CEP295NL: variants seen among roughly 807,000 people sequenced by gnomAD.
The protein encoded by CEP295NL is CEP295 N-terminal like.
A neutral mutation model predicts 4.6 loss-of-function variants in CEP295NL; 3 were observed. The observed-to-expected ratio is 0.65, with a 90% CI of 0.30 to 1.69. CEP295NL has a LOEUF of 1.69. CEP295NL is among the 40% of genes most tolerant of loss of function. The pLI, the probability that CEP295NL is intolerant of heterozygous loss-of-function variation, is 0.10. For synonymous variants in CEP295NL, 295 were observed against 312.2 expected (o/e 0.94, Z 0.58); for missense variants, 719 against 769.0 (o/e 0.93, Z 0.77).
Position 78,891,189 on chromosome 17 carries a change from C to CCGTG in CEP295NL, c.1311_1314dup (p.Val439HisfsTer7). 6.4e-7 allele frequency: 1 copy of CCGTG among 1,550,690 alleles called. No individual in the cohort carries two copies. The highest frequency in any genetic ancestry group is 8.7e-7 in the Non-Finnish European group (1 of 1,147,032). On this transcript the variant is annotated frameshift_variant, in exon 3 of 3. Transcript: ENST00000322630. LOFTEE classifies it low-confidence loss of function (END_TRUNC). This position sits in a 1 kb window ranked among gnomAD's most constrained non-coding sequence, Gnocchi z 4.5. ...CTTCCATTTCTAAACGTGGGCTTGACCGTGCCCTGATATTTTTGGTTCTGG... is the reference window on the plus strand; with the variant it reads ...CTTCCATTTCTAAACGTGGGCTTGACCGTGCGTGCCCTGATATTTTTGGTTCTGG...
intron 2 of CEP295NL, among the ~76,000 whole-genome samples, chr17:78,895,310 C>T (rs533368282): frequency 1.3e-5 from 2 of 152,200 alleles, no homozygotes; most frequent in Admixed American, 1.3e-4. Context: ...TAAAAATCAG[C>T]AACAGATTTA....
In CEP295NL at chr17:78,891,110, A is replaced by G. The variant is rs2069884980; in HGVS notation, c.1394T>C (p.Leu465Ser). ...CTCTTGTCCAGATTCAGTGCTATAC[A>G]ATAATGAGTCCTCTTTGTTGATAAA... The part of the protein sequence containing the change: ...GIFINKEDSL[L>S]YSTESGQETP... Residue 465 changes from leucine to serine, a missense_variant, in exon 3 of 3, where the codon TTG becomes TCG. Coordinates refer to ENST00000322630, the MANE Select transcript of CEP295NL (RefSeq NM_001243540.2). The surrounding 1 kb of genome is among the most constrained non-coding windows in gnomAD (Gnocchi z 4.5). The G allele has an allele frequency of 1.3e-6, 2 of 1,550,806 alleles. No individual in the cohort carries two copies. Among genetic ancestry groups the G allele is most frequent in the Non-Finnish European group, 1.7e-6 (2 of 1,147,030 alleles).
chr17:78,896,237 T>G lies in CEP295NL; in HGVS notation c.45-3778A>C, dbSNP rs892303576. Among the ~76,000 whole-genome samples, 1 of 152,198 alleles carries G rather than the reference T, an allele frequency of 6.6e-6. No homozygotes were observed. Among genetic ancestry groups the G allele is most frequent in the Non-Finnish European group, 1.5e-5 (1 of 68,042 alleles). ...GAGGGCAGGGTCTCACGTGGACTTG[T>G]GCAGGCACTGGCAGGGAAAGCAACA... On this transcript the variant is annotated intron_variant, in intron 2 of 2. Coordinates refer to ENST00000322630, the MANE Select transcript of CEP295NL (RefSeq NM_001243540.2). This position sits in a 1 kb window ranked among gnomAD's most constrained non-coding sequence, Gnocchi z 4.4.
Position 78,891,847 on chromosome 17 carries a change from C to A in CEP295NL, c.657G>T (p.Pro219=). The A allele has an allele frequency of 6.4e-7, 1 of 1,550,692 alleles. No homozygotes were observed. The highest frequency in any genetic ancestry group is 8.7e-7 in the Non-Finnish European group (1 of 1,147,008). Residue 219 remains proline, a synonymous_variant, in exon 3 of 3, where the codon CCG becomes CCT. Coordinates refer to ENST00000322630, the MANE Select transcript of CEP295NL (RefSeq NM_001243540.2). The surrounding 1 kb of genome is among the most constrained non-coding windows in gnomAD (Gnocchi z 4.5). The part of the protein sequence containing the change: ...ATGRMNSHLA[P]PEKRKGRPEP... ...CTGGCCTTCCCTTTCTCTTCTCAGG[C>A]GGGGCCAGGTGAGAATTCATCCGAC... is the stretch of plus-strand genomic sequence containing the variant.
chr17:78,893,775 A>T (rs2069956258), intron 2 of CEP295NL, among the ~76,000 whole-genome samples: 1 of 152,084 alleles, frequency 6.6e-6, no homozygotes, highest in Non-Finnish European at 1.5e-5. Flanking sequence ...TTTTATAATG[A>T]TCAGAGAAGG....
Position 78,890,622 on chromosome 17 carries a change from G to A in CEP295NL, c.*16C>T, listed in dbSNP as rs2069872504. 1.3e-6 allele frequency: 2 copies of A among 1,546,420 alleles called. No homozygotes were observed. The highest frequency in any genetic ancestry group is 2.4e-5 in the South Asian group (2 of 83,870). On this transcript the variant is annotated 3_prime_UTR_variant, in exon 3 of 3. Transcript: ENST00000322630. ...CATTATCAGTGATGTATTTACCCCG[G>A]GTGGGCCTCTCGCATTTAGCATATG...
chr17:78,893,738 C>T (rs912718376), intron 2 of CEP295NL, among the ~76,000 whole-genome samples: 2 of 152,052 alleles, frequency 1.3e-5, no homozygotes, highest in African/African-American at 4.8e-5. Context: ...GGTGTTAGCT[C>T]TCTCTTCATG....
In CEP295NL at chr17:78,890,770, G is replaced by C. The variant is rs1374657631; in HGVS notation, c.1734C>G (p.Ser578Arg). 5.2e-6 allele frequency: 8 copies of C among 1,550,506 alleles called. No individual in the cohort carries two copies. Among genetic ancestry groups the C allele is most frequent in the Non-Finnish European group, 5.2e-6 (6 of 1,147,014 alleles). The part of the protein sequence containing the change: ...ELSTTSPSGT[S>R]LADDDRHSQM... ...GACTGTGCCGGTCGTCGTCGGCGAGGCTGGTGCCCGATGGGGAAGTGGTGC... is the reference window on the plus strand; with the variant it reads ...GACTGTGCCGGTCGTCGTCGGCGAGCCTGGTGCCCGATGGGGAAGTGGTGC... Residue 578 changes from serine (S) to arginine (R), a missense_variant, in exon 3 of 3, where the codon AGC (serine) becomes AGG (arginine). Transcript: ENST00000322630.
chr17:78,893,974 C>T (rs555107065), intron 2 of CEP295NL, among the ~76,000 whole-genome samples: 1 of 152,240 alleles, frequency 6.6e-6, no homozygotes, highest in African/African-American at 2.4e-5. Flanking sequence ...ATGGAGTCCC[C>T]CTCCACTGCT....
In CEP295NL at chr17:78,890,923, A is replaced by C; in HGVS notation, c.1581T>G (p.Asp527Glu). 6.4e-7 allele frequency: 1 copy of C among 1,550,684 alleles called. No individual in the cohort carries two copies. Among genetic ancestry groups the C allele is most frequent in the Non-Finnish European group, 8.7e-7 (1 of 1,147,028 alleles). The part of the protein sequence containing the change: ...LESLEQMEHP[D>E]MSLEIHYKAE... Reference sequence around the variant, plus strand: ...CTTTGTAGTGGATTTCCAAGCTCATATCTGGGTGTTCCATTTGTTCAAGCG... The same window carrying C: ...CTTTGTAGTGGATTTCCAAGCTCATCTCTGGGTGTTCCATTTGTTCAAGCG... Residue 527 changes from aspartate to glutamate, a missense_variant, in exon 3 of 3, where the codon GAT becomes GAG. Asp to Glu is a conservative substitution (Grantham distance 45). Coordinates refer to ENST00000322630, the MANE Select transcript of CEP295NL (RefSeq NM_001243540.2).
chr17:78,902,784 A>T (rs2070115615), intron 1 of CEP295NL: 1 of 152,248 alleles, frequency 6.6e-6, no homozygotes, highest in Non-Finnish European at 1.5e-5. Flanking sequence ...GCAAACCTCA[A>T]GATCCTAAGC....
chr17:78,890,766 C>A lies in CEP295NL; in HGVS notation c.1738G>T (p.Ala580Ser), dbSNP rs1371320288. 7.7e-6 allele frequency: 12 copies of A among 1,550,522 alleles called. No individual in the cohort carries two copies. The highest frequency in any genetic ancestry group is 9.6e-6 in the Non-Finnish European group (11 of 1,147,010). The stretch of plus-strand genomic sequence containing the variant: ...ATCTGACTGTGCCGGTCGTCGTCGG[C>A]GAGGCTGGTGCCCGATGGGGAAGTG... ...STTSPSGTSLADDDRHSQMIR... is the reference protein window; with the variant it reads ...STTSPSGTSLSDDDRHSQMIR... The change falls in exon 3 of 3, where the codon GCC (alanine) becomes TCC (serine). Residue 580 changes from alanine to serine, a missense_variant. Transcript: ENST00000322630.
chr17:78,891,391 C>G lies in CEP295NL; in HGVS notation c.1113G>C (p.Gln371His). 6.4e-7 allele frequency: 1 copy of G among 1,550,734 alleles called. No homozygotes were observed. Among genetic ancestry groups the G allele is most frequent in the Non-Finnish European group, 8.7e-7 (1 of 1,147,042 alleles). Residue 371 changes from glutamine to histidine, a missense_variant, in exon 3 of 3, where the codon CAG becomes CAC. Transcript: ENST00000322630. The surrounding 1 kb of genome is among the most constrained non-coding windows in gnomAD (Gnocchi z 4.5). ...LYLALKPRMD[Q>H]RPGEGHAFSE... ...AGAAGGCATGCCCTTCCCCAGGTCT[C>G]TGGTCCATCCTGGGCTTCAGTGCCA... is the stretch of plus-strand genomic sequence containing the variant.
At chr17:78,895,010 G>A (rs562519433) in intron 2 of CEP295NL, among the ~76,000 whole-genome samples, 120 of 152,264 alleles carry the variant, frequency 7.9e-4, no homozygotes, top group Non-Finnish European at 1.1e-3. Context: ...GACAGGTGTG[G>A]CAGCTCACAC....
At chr17:78,894,708 C>T (rs1306271074) in intron 2 of CEP295NL, among the ~76,000 whole-genome samples, 2 of 151,868 alleles carry the variant, frequency 1.3e-5, no homozygotes, top group East Asian at 3.9e-4. Context: ...TAGAAGAAAA[C>T]GTAGGTGTAT....
At chr17:78,893,362 G>T (rs36142787) in intron 2 of CEP295NL, among the ~76,000 whole-genome samples, 30,655 of 124,926 alleles carry the variant, frequency 0.25, 6,973 homozygotes, top group African/African-American at 0.62. Context: ...TGTGTGTGCA[G>T]GGGTGTGTAG....
rs2069999927 is a variant in CEP295NL, at chr17:78,896,387, G to A, written c.45-3928C>T. Reference sequence around the variant, plus strand: ...CTCCAGGCAGCCCAGTGTCTCTCCAGCCCTGCCAGACAGGACGTCGGGTGC... The same window carrying A: ...CTCCAGGCAGCCCAGTGTCTCTCCAACCCTGCCAGACAGGACGTCGGGTGC... On this transcript the variant is annotated intron_variant, in intron 2 of 2. Transcript: ENST00000322630. This position sits in a 1 kb window ranked among gnomAD's most constrained non-coding sequence, Gnocchi z 4.4. 6.6e-6 allele frequency among the ~76,000 whole-genome samples: 1 copy of A among 152,192 alleles called. No individual in the cohort carries two copies. The highest frequency in any genetic ancestry group is 2.4e-5 in the African/African-American group (1 of 41,448).
intron 2 of CEP295NL, 86 bp downstream of exon 2, chr17:78,901,699 C>A: frequency 1.4e-6 from 1 of 716,374 alleles, no homozygotes; most frequent in South Asian, 1.5e-5. Context: ...GGGATGATAA[C>A]AACAGCAGCA....
At chr17:78,898,901 C>T (rs1286525147) in intron 2 of CEP295NL, 3 of 152,188 alleles carry the variant, frequency 2.0e-5, no homozygotes, top group Non-Finnish European at 2.9e-5. Context: ...CCATGCCTGG[C>T]TAATTTTTGT....
Sources: gnomAD v4.1 joint callset for allele counts (sites outside exome capture counted in the v4.1 genomes callset) on GRCh38, gnomAD v4.1.1 for gene constraint, Gnocchi (gnomAD v3.1) non-coding constraint, MANE v1.5 for transcripts, NCBI Gene and HGNC (gene_info 2026-07-23, HGNC 2026-07-21) for gene names.